The following EYS variants were observed in gnomAD, a reference collection of about 807,000 sequenced individuals.
The protein encoded by EYS is EGF-like photoreceptor maintenance factor.
EYS carries 250 observed loss-of-function variants against 282.1 expected under a neutral mutation model. The observed-to-expected ratio is 0.89, with a 90% confidence interval of 0.80 to 0.98. EYS has a LOEUF of 0.98. Among genes scored for constraint, EYS ranks in the 50% least tolerant of loss-of-function variants. EYS has a pLI of 0.00. For synonymous variants in EYS, 1,355 were observed against 1,282.9 expected, an observed-to-expected ratio of 1.06 and a Z score of -1.20; for missense variants, 4,016 against 3,709.0, an observed-to-expected ratio of 1.08 and a Z score of -2.15.
chr6:63,950,099 G>T (rs955940174), intron 35 of EYS, among the ~76,000 whole-genome samples: 1 of 151,790 alleles, frequency 6.6e-6, no homozygotes, highest in Non-Finnish European at 1.5e-5. Flanking sequence ...TTGAACCCGG[G>T]AGGTGGAGGT....
intron 35 of EYS, among the ~76,000 whole-genome samples, chr6:63,899,164 C>T (rs1644372182): frequency 6.6e-6 from 1 of 152,176 alleles, no homozygotes; most frequent in African/African-American, 2.4e-5. Flanking sequence ...AAATTTCAAA[C>T]AAGTACCTTT....
At position 64,591,539 on chromosome 6, in the gene EYS, A is replaced by C. The variant is rs1562080236; in HGVS notation, c.4328T>G (p.Leu1443Ter). ...GADIELNRQSLLSRGFLLIAA... is the reference protein window; with the variant it reads ...GADIELNRQS ...TATAAGCAGGAATCCACGGGAGAGT[A>C]ATGACTGCCTGTTTAGCTCAATATC... The change falls in exon 26 of 43, where the codon TTA becomes TGA. Residue 1443 changes from leucine (L) to a stop codon, truncating the protein, a stop_gained. Transcript: ENST00000503581. LOFTEE classifies it high-confidence loss of function. The C allele has an allele frequency of 6.4e-7, 1 of 1,551,282 alleles. No homozygotes were observed. The highest frequency in any genetic ancestry group is 8.7e-7 in the Non-Finnish European group (1 of 1,146,742).
At chr6:64,165,196 A>G (rs1428601866) in intron 31 of EYS, among the ~76,000 whole-genome samples, 5 of 152,120 alleles carry the variant, frequency 3.3e-5, no homozygotes, top group Non-Finnish European at 7.4e-5. Context: ...CTAAAAAAGC[A>G]GAGTGTCTAT....
At chr6:64,716,447 A>G (rs929024792) in intron 22 of EYS, among the ~76,000 whole-genome samples, 12 of 152,030 alleles carry the variant, frequency 7.9e-5, no homozygotes, top group African/African-American at 2.9e-4. Flanking sequence ...ACATTGGTAC[A>G]CTCCTCAACC....
chr6:64,154,682 C>T (rs1774856978), intron 31 of EYS, among the ~76,000 whole-genome samples: 1 of 151,910 alleles, frequency 6.6e-6, no homozygotes, highest in African/African-American at 2.4e-5. Context: ...ACCTCATTTA[C>T]TCCATTACTT....
intron 26 of EYS, among the ~76,000 whole-genome samples, chr6:64,544,229 G>A (rs1764779233): frequency 6.6e-6 from 1 of 152,154 alleles, no homozygotes; most frequent in African/African-American, 2.4e-5. Context: ...CTCGCTAAGA[G>A]AATACAATTT....
chr6:65,141,299 A>G (rs1283843890), intron 12 of EYS, among the ~76,000 whole-genome samples: 1 of 152,028 alleles, frequency 6.6e-6, no homozygotes, highest in Non-Finnish European at 1.5e-5. Context: ...CAACGAGAAC[A>G]CATGGACACA....
intron 12 of EYS, among the ~76,000 whole-genome samples, chr6:65,108,721 C>A (rs929428314): frequency 1.6e-4 from 24 of 152,114 alleles, no homozygotes; most frequent in Non-Finnish European, 3.2e-4. Flanking sequence ...CTTCTGTCTG[C>A]AAATTTGTTT....
intron 29 of EYS, among the ~76,000 whole-genome samples, chr6:64,326,404 A>C (rs538732912): frequency 1.3e-5 from 2 of 152,296 alleles, no homozygotes; most frequent in Admixed American, 6.5e-5. Context: ...AAGATGTAAG[A>C]AATGTTGTAA....
chr6:63,953,479 T>C (rs1238225892), intron 35 of EYS, among the ~76,000 whole-genome samples: 1 of 152,166 alleles, frequency 6.6e-6, no homozygotes, highest in Non-Finnish European at 1.5e-5. Flanking sequence ...TATCTTGGCA[T>C]AATTCTTCAT....
chr6:64,039,889 G>A (rs1343112533), intron 33 of EYS, among the ~76,000 whole-genome samples: 1 of 152,040 alleles, frequency 6.6e-6, no homozygotes, highest in African/African-American at 2.4e-5. Context: ...ATTTTGATGT[G>A]CAGAATTAAA....
intron 22 of EYS, among the ~76,000 whole-genome samples, chr6:64,787,062 G>A (rs1431554091): frequency 6.6e-6 from 1 of 152,136 alleles, no homozygotes. Flanking sequence ...TTTCCCTCGC[G>A]CTTTTCAACA....
At chr6:64,128,738 T>A (rs1421437757) in intron 31 of EYS, among the ~76,000 whole-genome samples, 1 of 152,230 alleles carries the variant, frequency 6.6e-6, no homozygotes, top group Admixed American at 6.5e-5. Flanking sequence ...TAAACAGTAC[T>A]TATTCATTCA....
intron 13 of EYS, among the ~76,000 whole-genome samples, chr6:65,032,917 A>G (rs1225787110): frequency 2.0e-5 from 3 of 148,600 alleles, no homozygotes; most frequent in Admixed American, 6.7e-5. Context: ...TGTGACCAAA[A>G]TGCTGCTAAT....
intron 31 of EYS, among the ~76,000 whole-genome samples, chr6:64,145,876 G>C (rs1271540741): frequency 2.6e-5 from 4 of 152,080 alleles, no homozygotes; most frequent in Non-Finnish European, 5.9e-5. Context: ...TTATCATAAA[G>C]CTCATGTAGC....
At chr6:64,098,575 A>G (rs1416988562) in intron 31 of EYS, among the ~76,000 whole-genome samples, 1 of 151,968 alleles carries the variant, frequency 6.6e-6, no homozygotes, top group Admixed American at 6.6e-5. Context: ...CAAAGTCTTC[A>G]AATGTGTTAG....
At chr6:64,766,528 A>C (rs192996498) in intron 22 of EYS, among the ~76,000 whole-genome samples, 2 of 145,738 alleles carry the variant, frequency 1.4e-5, no homozygotes, top group African/African-American at 5.0e-5. Context: ...GGTACTCAGG[A>C]GGCTGAGGCA....
At chr6:63,994,811 A>C (rs1767761814) in intron 34 of EYS, among the ~76,000 whole-genome samples, 1 of 152,012 alleles carries the variant, frequency 6.6e-6, no homozygotes, top group Non-Finnish European at 1.5e-5. Context: ...ATAATTTAAA[A>C]AGCAAGGATT....
chr6:64,376,946 C>G (rs1201538495), intron 29 of EYS, among the ~76,000 whole-genome samples: 6 of 152,098 alleles, frequency 3.9e-5, no homozygotes, highest in Middle Eastern at 3.2e-3. Flanking sequence ...CCTTAAAACA[C>G]TGACCCTGAG....
Sources: allele counts gnomAD v4.1 joint callset (sites outside exome capture counted in the v4.1 genomes callset), GRCh38; gene constraint gnomAD v4.1.1; transcripts MANE v1.5; gene names NCBI Gene and HGNC (gene_info 2026-07-23, HGNC 2026-07-21).